POLR3A: variants seen among roughly 807,000 people sequenced by gnomAD.
POLR3A encodes DNA-directed RNA polymerase III subunit RPC1.
POLR3A carries 112 observed loss-of-function variants against 152.8 expected under a neutral mutation model. The observed-to-expected ratio is 0.73, with a 90% CI of 0.63 to 0.86. The LOEUF (loss-of-function observed/expected upper bound fraction) is 0.86. Among genes scored for constraint, POLR3A ranks in the 40% least tolerant of loss-of-function variants. The probability of loss-of-function intolerance (pLI) is 0.00; values close to 1 mark genes in which losing one functional copy is unlikely to be tolerated. For missense variants in POLR3A, 1,385 were observed against 1,743.1 expected (o/e 0.79, Z 3.66); for synonymous variants, 615 against 652.1 (o/e 0.94, Z 0.87).
In POLR3A at chr10:78,017,736, C is replaced by T. The variant is rs1166005958; in HGVS notation, c.1290-20G>A. On this transcript the variant is annotated intron_variant, in intron 9 of 30. Coordinates refer to ENST00000372371, the MANE Select transcript of POLR3A (RefSeq NM_007055.4). Reference sequence around the variant, plus strand: ...AAAAACCTGAATGTGCAACAATAAACATGATCTGTGAAAGCAAAGTTCTCT... The same window carrying T: ...AAAAACCTGAATGTGCAACAATAAATATGATCTGTGAAAGCAAAGTTCTCT... The T allele has an allele frequency of 1.9e-6, 3 of 1,613,912 alleles. No homozygotes were observed. The highest frequency in any genetic ancestry group is 4.5e-5 in the East Asian group (2 of 44,882).
At chr10:78,020,825 T>C (rs1329948652) in intron 8 of POLR3A, among the ~76,000 whole-genome samples, 1 of 152,134 alleles carries the variant, frequency 6.6e-6, no homozygotes, top group African/African-American at 2.4e-5. Context: ...TCTGGGTATG[T>C]AGCAATAGCC....
At chr10:78,006,725 G>A (rs1847415610) in intron 15 of POLR3A, among the ~76,000 whole-genome samples, 2 of 152,256 alleles carry the variant, frequency 1.3e-5, no homozygotes, top group African/African-American at 4.8e-5. Flanking sequence ...ATTACTCAGT[G>A]CTTAGCACAG....
intron 19 of POLR3A, among the ~76,000 whole-genome samples, chr10:77,993,810 G>C (rs987116150): frequency 6.6e-6 from 1 of 152,176 alleles, no homozygotes; most frequent in Non-Finnish European, 1.5e-5. Context: ...TGGGACAGAG[G>C]GGGAAGAAGA....
At chr10:77,992,713 T>C (rs1260619444) in intron 20 of POLR3A, among the ~76,000 whole-genome samples, 1 of 151,984 alleles carries the variant, frequency 6.6e-6, no homozygotes, top group East Asian at 1.9e-4. Flanking sequence ...CTTTAAAAAA[T>C]ATTTTTTTAG....
intron 5 of POLR3A, among the ~76,000 whole-genome samples, chr10:78,022,803 TG>T (rs963966644): frequency 5.3e-5 from 8 of 151,870 alleles, no homozygotes; most frequent in Non-Finnish European, 1.2e-4. Flanking sequence ...AGCAAGCCAT[TG>T]GGGGGAAAAA....
chr10:78,010,624 G>A, intron 11 of POLR3A, 84 bp from the exon 12 acceptor site: 1 of 970,060 alleles, frequency 1.0e-6, no homozygotes, highest in East Asian at 2.4e-5. Flanking sequence ...TTTTTGAATA[G>A]TTATGAACAA....
At position 77,991,058 on chromosome 10, in the gene POLR3A, A is replaced by C. The variant is rs901206982; in HGVS notation, c.2897T>G (p.Leu966Arg). ...SEFLCCQDSF[L>R]QEIKKFIKGV... ...CCAGCACCTGGCAGAGCTCACCTGC[A>C]GGAAGCTGTCCTGGCAGCAGAGGAA... Residue 966 changes from leucine (L) to arginine (R), a missense_variant, in exon 21 of 31, where the codon CTG becomes CGG. Coordinates refer to ENST00000372371, the MANE Select transcript of POLR3A (RefSeq NM_007055.4). The C allele has an allele frequency of 3.8e-6, 6 of 1,584,120 alleles. No individual in the cohort carries two copies. The highest frequency in any genetic ancestry group is 4.5e-5 in the East Asian group (2 of 44,728).
intron 9 of POLR3A, 91 bp from the exon 10 acceptor site, chr10:78,017,807 T>C: frequency 7.3e-7 from 1 of 1,366,798 alleles, no homozygotes; most frequent in South Asian, 1.2e-5. Context: ...CTTTAATATA[T>C]TATTTCATCA....
chr10:77,994,082 AAC>A (rs1483547681), intron 19 of POLR3A, among the ~76,000 whole-genome samples: 2 of 152,262 alleles, frequency 1.3e-5, no homozygotes, highest in Non-Finnish European at 2.9e-5. Flanking sequence ...ATTAAGTAAA[AAC>A]ACACATTATG....
intron 21 of POLR3A, 114 bp downstream of exon 21, chr10:77,990,940 C>T: frequency 4.3e-6 from 3 of 702,346 alleles, no homozygotes; most frequent in Non-Finnish European, 5.2e-6. Flanking sequence ...AACAAAGGAA[C>T]AACCCTACCT....
chr10:78,026,196 C>G lies in POLR3A; in HGVS notation c.78G>C (p.Glu26Asp), dbSNP rs1199639733. ...GGATGTGCGCCTGCTGGCGCATCTCCTCAGGTGACTTCATTCCAAAACAGA... is the reference window on the plus strand; with the variant it reads ...GGATGTGCGCCTGCTGGCGCATCTCGTCAGGTGACTTCATTCCAAAACAGA... ...SHICFGMKSP[E>D]EMRQQAHIQV... is the part of the protein sequence containing the mutation. Residue 26 changes from glutamate (E) to aspartate (D), a missense_variant, in exon 2 of 31, where the codon GAG (glutamate) becomes GAC (aspartate). Coordinates refer to ENST00000372371, the MANE Select transcript of POLR3A (RefSeq NM_007055.4). The G allele has an allele frequency of 2.5e-6, 4 of 1,614,232 alleles. No homozygotes were observed. In the South Asian group the frequency reaches 3.3e-5, roughly 13 times the overall value.
intron 10 of POLR3A, among the ~76,000 whole-genome samples, chr10:78,015,800 G>A (rs1847518023): frequency 6.6e-6 from 1 of 152,160 alleles, no homozygotes; most frequent in African/African-American, 2.4e-5. Context: ...GGGGCTATAG[G>A]TGTGTGCCAT....
intron 21 of POLR3A, among the ~76,000 whole-genome samples, chr10:77,988,976 A>G (rs1430491105): frequency 1.3e-5 from 2 of 152,214 alleles, no homozygotes; most frequent in African/African-American, 4.8e-5. Flanking sequence ...TAACACACCT[A>G]AAACAATCTG....
intron 15 of POLR3A, among the ~76,000 whole-genome samples, chr10:78,007,132 A>G (rs901946251): frequency 3.3e-5 from 5 of 152,196 alleles, no homozygotes; most frequent in African/African-American, 9.7e-5. Context: ...ACCTGTTAAC[A>G]ACAACTCTGA....
At chr10:78,027,697 T>C (rs927773781) in intron 1 of POLR3A, among the ~76,000 whole-genome samples, 7 of 122,472 alleles carry the variant, frequency 5.7e-5, no homozygotes, top group African/African-American at 2.8e-4. Flanking sequence ...GTTACAGGCA[T>C]ACAGGCATGC....
At chr10:77,999,460 C>T (rs1847334376) in intron 19 of POLR3A, among the ~76,000 whole-genome samples, 1 of 152,118 alleles carries the variant, frequency 6.6e-6, no homozygotes, top group Non-Finnish European at 1.5e-5. Flanking sequence ...AGCACAAATG[C>T]TGAGAAGCCT....
chr10:77,993,674 ACCTT>A (rs1847270874), intron 19 of POLR3A, among the ~76,000 whole-genome samples: 1 of 152,154 alleles, frequency 6.6e-6, no homozygotes, highest in African/African-American at 2.4e-5. Flanking sequence ...AGGCTGTTTT[ACCTT>A]CCTTCTCTTT....
intron 1 of POLR3A, among the ~76,000 whole-genome samples, chr10:78,029,046 T>C (rs924084597): frequency 6.6e-6 from 1 of 152,048 alleles, no homozygotes; most frequent in Non-Finnish European, 1.5e-5. Flanking sequence ...CAGCAGGGGA[T>C]AGTTCGCTGA....
chr10:77,976,379 C>G lies in POLR3A; in HGVS notation c.*1099G>C, dbSNP rs554422633. 1.3e-5 allele frequency: 2 copies of G among 152,284 alleles called. No individual in the cohort carries two copies. The highest frequency in any genetic ancestry group is 2.9e-5 in the Non-Finnish European group (2 of 68,064). The allele number at this position is 152,284 out of a possible 1,614,324, so 9.4% of individuals were successfully genotyped here. On this transcript the variant is annotated 3_prime_UTR_variant, in exon 31 of 31. Transcript: ENST00000372371. ...TCCTGGGCTCAAGTGATCTGCCCCC[C>G]TCGGCCTCCCAAAGTGCTGGGATTA...
Sources: allele counts gnomAD v4.1 joint callset (sites outside exome capture counted in the v4.1 genomes callset), GRCh38; gene constraint gnomAD v4.1.1; transcripts MANE v1.5; gene names NCBI Gene and HGNC (gene_info 2026-07-23, HGNC 2026-07-21).